The following PSD2 variants were observed in gnomAD, a reference collection of about 807,000 sequenced individuals.
The protein encoded by PSD2 is PH and SEC7 domain-containing protein 2.
Under a neutral mutation model 69.8 loss-of-function variants are expected in PSD2, and 38 were observed. The ratio of observed to expected loss-of-function variants is 0.54; its 90% CI spans 0.42 to 0.71. The LOEUF (loss-of-function observed/expected upper bound fraction) is 0.71, where lower values mean the gene tolerates loss of function less well. Among genes scored for constraint, PSD2 ranks in the 30% least tolerant of loss-of-function variants. The pLI is 0.00. For synonymous variants in PSD2, 412 were observed against 423.0 expected (o/e 0.97, Z 0.32); for missense variants, 943 against 1,014.5 (o/e 0.93, Z 0.96).
chr5:139,764,738 A>G, the PSD2 span, among the ~76,000 whole-genome samples: 1 of 152,140 alleles, frequency 6.6e-6, no homozygotes, highest in Non-Finnish European at 1.5e-5. Context: ...TTTTCTAGGG[A>G]TAAGGGGCTG....
At chr5:139,825,859 G>A (rs1022350736) in intron 7 of PSD2, among the ~76,000 whole-genome samples, 1 of 152,154 alleles carries the variant, frequency 6.6e-6, no homozygotes, top group African/African-American at 2.4e-5. Context: ...AAAGCTATGG[G>A]ACTGGCTGAT....
At chr5:139,751,790 CTTTTTTT>C in the PSD2 span, among the ~76,000 whole-genome samples, 6 of 120,416 alleles carry the variant, frequency 5.0e-5, no homozygotes, top group African/African-American at 2.0e-4. Context: ...AGGGTCCAGC[CTTTTTTT>C]TTTTTTTTTT....
At chr5:139,774,563 T>C in the PSD2 span, among the ~76,000 whole-genome samples, 8 of 152,188 alleles carry the variant, frequency 5.3e-5, no homozygotes, top group South Asian at 1.0e-3. Flanking sequence ...CGATCTCGGC[T>C]CACTGCAACG....
the PSD2 span, among the ~76,000 whole-genome samples, chr5:139,765,421 G>A: frequency 6.6e-6 from 1 of 151,974 alleles, no homozygotes; most frequent in Non-Finnish European, 1.5e-5. Context: ...CCTATTAATC[G>A]GCCCAGTACC....
In PSD2 at chr5:139,809,244, C is replaced by T. The variant is rs1029867960; in HGVS notation, c.-50-147C>T. 12 of 650,992 alleles carry T rather than the reference C, an allele frequency of 1.8e-5. No individual in the cohort carries two copies. The Admixed American group carries it at 2.5e-4, about 13-fold the overall frequency. The allele number at this position is 650,992 out of a possible 1,614,324, so 40.3% of individuals were successfully genotyped here. ...GTGAGGGCAGCATGGCCCGAACCCACACTCCAGCTGGAAGGGCCCCGAGGA... is the reference window on the plus strand; with the variant it reads ...GTGAGGGCAGCATGGCCCGAACCCATACTCCAGCTGGAAGGGCCCCGAGGA... On this transcript the variant is annotated intron_variant, in intron 1 of 14. Coordinates refer to ENST00000274710, the MANE Select transcript of PSD2 (RefSeq NM_032289.4).
chr5:139,835,461 C>T (rs1303887326), intron 8 of PSD2, among the ~76,000 whole-genome samples: 1 of 152,218 alleles, frequency 6.6e-6, no homozygotes, highest in Non-Finnish European at 1.5e-5. Flanking sequence ...CAGTAGTGAA[C>T]AAATGGACAG....
intron 1 of PSD2, 21 bp from the exon 2 acceptor site, chr5:139,809,370 C>T (rs908004807): frequency 2.6e-6 from 4 of 1,535,322 alleles, no homozygotes; most frequent in Non-Finnish European, 3.5e-6. Context: ...ACCAGTTCTT[C>T]CTCTCTCCAC....
Position 139,840,173 on chromosome 5 carries a change from G to A in PSD2, c.2112+3G>A. Reference sequence around the variant, plus strand: ...AGGAGCACTATCTCACCTTCGAGGTGAGCCTTGGGGGACTGGATTGCAAAG... The same window carrying A: ...AGGAGCACTATCTCACCTTCGAGGTAAGCCTTGGGGGACTGGATTGCAAAG... On this transcript the variant is annotated splice_donor_region_variant and intron_variant, in intron 14 of 14. Coordinates refer to ENST00000274710, the MANE Select transcript of PSD2 (RefSeq NM_032289.4). The A allele has an allele frequency of 6.2e-7, 1 of 1,613,782 alleles. No individual in the cohort carries two copies. The highest frequency in any genetic ancestry group is 8.5e-7 in the Non-Finnish European group (1 of 1,179,942).
the PSD2 span, among the ~76,000 whole-genome samples, chr5:139,777,935 C>T: frequency 6.6e-6 from 1 of 152,122 alleles, no homozygotes; most frequent in Non-Finnish European, 1.5e-5. Flanking sequence ...GAAGCATTGC[C>T]CTCCAGACAG....
Position 139,821,224 on chromosome 5 carries a change from C to T in PSD2, c.1098-669C>T, listed in dbSNP as rs138838284. Among the ~76,000 whole-genome samples the T allele has an allele frequency of 3.9e-3, 591 of 152,282 alleles. 1 individual carries two copies. Among genetic ancestry groups the T allele is most frequent in the African/African-American group, 0.013 (529 of 41,552 alleles). ...CTGGGATTATAGGCGTGAGCCACCGCGCCTGGCCCAGTGATGGATTTTAAG... is the reference window on the plus strand; with the variant it reads ...CTGGGATTATAGGCGTGAGCCACCGTGCCTGGCCCAGTGATGGATTTTAAG... On this transcript the variant is annotated intron_variant, in intron 5 of 14. Coordinates refer to ENST00000274710, the MANE Select transcript of PSD2 (RefSeq NM_032289.4).
intron 4 of PSD2, 26 bp from the exon 5 acceptor site, chr5:139,817,455 A>G: frequency 6.2e-7 from 1 of 1,606,666 alleles, no homozygotes. Context: ...CCTGCTTCTA[A>G]CAGACATCCC....
intron 14 of PSD2, 40 bp from the exon 15 acceptor site, chr5:139,842,231 A>G: frequency 8.3e-6 from 13 of 1,570,788 alleles, no homozygotes; most frequent in Non-Finnish European, 1.0e-5. Flanking sequence ...CTTTTTTCCT[A>G]TTTTGTTGTC....
At chr5:139,776,972 T>C in the PSD2 span, among the ~76,000 whole-genome samples, 1 of 152,220 alleles carries the variant, frequency 6.6e-6, no homozygotes, top group Non-Finnish European at 1.5e-5. Flanking sequence ...GGACAGTTTC[T>C]TCTAGTGAGA....
At chr5:139,771,455 T>C in the PSD2 span, among the ~76,000 whole-genome samples, 1 of 152,128 alleles carries the variant, frequency 6.6e-6, no homozygotes, top group African/African-American at 2.4e-5. Context: ...CTCGGCTCAC[T>C]GCAAGCTCCG....
chr5:139,802,925 G>A (rs1202825128), intron 1 of PSD2, among the ~76,000 whole-genome samples: 3 of 152,162 alleles, frequency 2.0e-5, no homozygotes, highest in Admixed American at 6.5e-5. Context: ...ATGCAGCCCC[G>A]GGGACTTCTG....
the PSD2 span, among the ~76,000 whole-genome samples, chr5:139,786,428 T>C: frequency 6.6e-6 from 1 of 152,192 alleles, no homozygotes; most frequent in Non-Finnish European, 1.5e-5. Flanking sequence ...AAATACATTT[T>C]TAAAATGAGT....
intron 1 of PSD2, among the ~76,000 whole-genome samples, chr5:139,797,531 G>A (rs80142425): frequency 2.0e-5 from 3 of 152,316 alleles, no homozygotes; most frequent in South Asian, 2.1e-4. Context: ...TGGGGTGCAC[G>A]CTCCACAAGC....
Position 139,828,156 on chromosome 5 carries a change from T to C in PSD2, c.1269+5372T>C, listed in dbSNP as rs572678116. ...AGCCATGAGAAAATGGCAGTGTGGG[T>C]TAGAATTGGAGACGGAGACCAGGAG... On this transcript the variant is annotated intron_variant, in intron 7 of 14. Transcript: ENST00000274710. Among the ~76,000 whole-genome samples, 5 of 152,198 alleles carry C rather than the reference T, an allele frequency of 3.3e-5. No homozygotes were observed. The South Asian group carries it at 1.0e-3, about 32-fold the overall frequency.
Position 139,837,196 on chromosome 5 carries a change from A to C in PSD2, c.1623A>C (p.Lys541Asn), listed in dbSNP as rs1345875294. Residue 541 changes from lysine to asparagine, a missense_variant, in exon 11 of 15, where the codon AAA becomes AAC. Lys to Asn is a moderately conservative substitution (Grantham distance 94). Around this residue, in one of 3 missense-constraint regions of PSD2, gnomAD observed 312 missense variants for 400.7 expected, o/e 0.78. Coordinates refer to ENST00000274710, the MANE Select transcript of PSD2 (RefSeq NM_032289.4). This position sits in a 1 kb window ranked among gnomAD's most constrained non-coding sequence, Gnocchi z 5.0. ...CCCGTGGGAGGCGTGGCTGGAAGAA[A>C]TTCTACGCAGTGCTCAAAGGGACCA... ...RTPRGRRGWK[K>N]FYAVLKGTIL... 6.2e-7 allele frequency: 1 copy of C among 1,614,056 alleles called. No homozygotes were observed. The highest frequency in any genetic ancestry group is 2.2e-5 in the East Asian group (1 of 44,880).
Sources: allele counts gnomAD v4.1 joint callset (sites outside exome capture counted in the v4.1 genomes callset), GRCh38; gene constraint gnomAD v4.1.1; regional missense constraint gnomAD v4.1.1; non-coding constraint Gnocchi (gnomAD v3.1); transcripts MANE v1.5; gene names NCBI Gene and HGNC (gene_info 2026-07-23, HGNC 2026-07-21).